The following SULT2B1 variants were observed in gnomAD, a reference collection of about 807,000 sequenced individuals.
The protein encoded by SULT2B1 is sulfotransferase family 2B member 1.
In SULT2B1, 16 loss-of-function variants were observed where a neutral mutation model predicts 33.2. The ratio of observed to expected loss-of-function variants is 0.48; its 90% CI spans 0.33 to 0.73. SULT2B1 has a LOEUF of 0.73. SULT2B1 is among the 30% of genes least tolerant of loss of function. The probability of loss-of-function intolerance (pLI) is 0.02; values close to 1 mark genes in which losing one functional copy is unlikely to be tolerated. For synonymous variants in SULT2B1, 186 were observed against 200.5 expected, an observed-to-expected ratio of 0.93 and a Z score of 0.61; for missense variants, 500 against 506.0, an observed-to-expected ratio of 0.99 and a Z score of 0.11.
rs541331659 is a variant in SULT2B1, at chr19:48,589,356, C to G, written c.423+1919C>G. Among the ~76,000 whole-genome samples the G allele has an allele frequency of 2.6e-5, 4 of 152,178 alleles. No homozygotes were observed. In the South Asian group the frequency reaches 8.3e-4, roughly 32 times the overall value. On this transcript the variant is annotated intron_variant, in intron 3 of 6. Coordinates refer to ENST00000201586, the MANE Select transcript of SULT2B1 (RefSeq NM_177973.2). Reference sequence around the variant, plus strand: ...GCGGGGGAGGAAGACACGGGCTCTGCGGCGGCCCATCCCACGTCCAGCAGA... The same window carrying G: ...GCGGGGGAGGAAGACACGGGCTCTGGGGCGGCCCATCCCACGTCCAGCAGA...
chr19:48,592,548 G>C (rs59705399), intron 4 of SULT2B1, among the ~76,000 whole-genome samples, 174 bp from the exon 5 acceptor site: 12,534 of 152,208 alleles, frequency 0.082, 546 homozygotes, highest in African/African-American at 0.1. Context: ...GGGAGAAGCA[G>C]GTTGGAAGAG....
Position 48,599,411 on chromosome 19 carries a change from C to G in SULT2B1, c.*5C>G. ...CCGCACCCACGACCCTCATAATAAACACGTCGATTCTGTCCAGGTTCCTTG... is the reference window on the plus strand; with the variant it reads ...CCGCACCCACGACCCTCATAATAAAGACGTCGATTCTGTCCAGGTTCCTTG... On this transcript the variant is annotated 3_prime_UTR_variant, in exon 7 of 7. Transcript: ENST00000201586. This position sits in a 1 kb window ranked among gnomAD's most constrained non-coding sequence, Gnocchi z 4.1. The G allele has an allele frequency of 1.9e-6, 3 of 1,550,228 alleles. No individual in the cohort carries two copies. Among genetic ancestry groups the G allele is most frequent in the Non-Finnish European group, 2.6e-6 (3 of 1,147,036 alleles).
At position 48,596,891 on chromosome 19, in the gene SULT2B1, C is replaced by A. The variant is rs746709836; in HGVS notation, c.798C>A (p.Asp266Glu). ...NYTLLPPSLL[D>E]HRRGAFLRKG... ...CGCTGCTGCCTCCCAGCCTGCTGGACCACCGTCGCGGGGCCTTCCTCCGGA... is the reference window on the plus strand; with the variant it reads ...CGCTGCTGCCTCCCAGCCTGCTGGAACACCGTCGCGGGGCCTTCCTCCGGA... The change falls in exon 6 of 7, where the codon GAC becomes GAA. Residue 266 changes from aspartate (D) to glutamate (E), a missense_variant. Transcript: ENST00000201586. 3 of 1,603,122 alleles carry A rather than the reference C, an allele frequency of 1.9e-6. No individual in the cohort carries two copies. Among genetic ancestry groups the A allele is most frequent in the Non-Finnish European group, 2.5e-6 (3 of 1,178,476 alleles).
intron 2 of SULT2B1, among the ~76,000 whole-genome samples, chr19:48,579,608 T>TCTTTC (rs1555733742): frequency 1.5e-4 from 16 of 107,886 alleles, no homozygotes; most frequent in South Asian, 9.7e-4. Context: ...TTTCTTTCTT[T>TCTTTC]TTTTTTTTTT....
chr19:48,568,863 C>T lies in SULT2B1; in HGVS notation c.72-7078C>T, dbSNP rs1973279506. On this transcript the variant is annotated intron_variant, in intron 1 of 6. Transcript: ENST00000201586. ...CCCAGCTCCAGTCCCACTCAGGCCC[C>T]AGAATCCCAGCAGCCCACCACTCAC... is the stretch of plus-strand genomic sequence containing the variant. 2.0e-5 allele frequency among the ~76,000 whole-genome samples: 3 copies of T among 149,530 alleles called. No homozygotes were observed. In the Admixed American group the frequency reaches 2.0e-4, roughly 10 times the overall value.
In SULT2B1 at chr19:48,570,853, G is replaced by C. The variant is rs564176105; in HGVS notation, c.72-5088G>C. The stretch of plus-strand genomic sequence containing the variant: ...TTCTCCTGCCTGAGCCTCCCGAGTA[G>C]CTGGGACTACAGGCGCCCGCCACCA... On this transcript the variant is annotated intron_variant, in intron 1 of 6. Transcript: ENST00000201586. 2.6e-5 allele frequency among the ~76,000 whole-genome samples: 4 copies of C among 151,584 alleles called. No homozygotes were observed. In the East Asian group the frequency reaches 5.9e-4, roughly 22 times the overall value.
chr19:48,598,321 G>A (rs1014747828), intron 6 of SULT2B1, among the ~76,000 whole-genome samples: 9 of 152,162 alleles, frequency 5.9e-5, no homozygotes, highest in African/African-American at 2.2e-4. Flanking sequence ...GAGGGGTGCC[G>A]TGGCTCACAC....
At chr19:48,592,169 G>A (rs1973651891) in intron 4 of SULT2B1, among the ~76,000 whole-genome samples, 1 of 152,144 alleles carries the variant, frequency 6.6e-6, no homozygotes, top group Non-Finnish European at 1.5e-5. Flanking sequence ...GGCGGTGCCT[G>A]TAGTCCCAGC....
At chr19:48,597,063 ACGC>A in intron 6 of SULT2B1, 144 bp downstream of exon 6, 1 of 989,078 alleles carries the variant, frequency 1.0e-6, no homozygotes, top group Non-Finnish European at 1.5e-6. Flanking sequence ...AGGGTTGATC[ACGC>A]ACGGGGCTTA....
intron 1 of SULT2B1, among the ~76,000 whole-genome samples, chr19:48,555,254 G>A (rs1230087697): frequency 6.6e-6 from 1 of 151,998 alleles, no homozygotes; most frequent in Non-Finnish European, 1.5e-5. Context: ...ACCATGCCTG[G>A]CTAATTTTTA....
At chr19:48,589,847 C>T (rs984873642) in intron 3 of SULT2B1, among the ~76,000 whole-genome samples, 3 of 152,210 alleles carry the variant, frequency 2.0e-5, no homozygotes, top group Non-Finnish European at 4.4e-5. Flanking sequence ...GTAGTCCCAG[C>T]TACTTGGGAG....
At chr19:48,563,240 T>A (rs2147600601) in intron 1 of SULT2B1, among the ~76,000 whole-genome samples, 1 of 152,206 alleles carries the variant, frequency 6.6e-6, no homozygotes, top group East Asian at 1.9e-4. Context: ...TAAAACCTAC[T>A]TTACAGCTAC....
At chr19:48,554,618 C>A (rs577488969) in intron 1 of SULT2B1, among the ~76,000 whole-genome samples, 7 of 143,374 alleles carry the variant, frequency 4.9e-5, no homozygotes, top group African/African-American at 1.6e-4. Flanking sequence ...ACCCCGCCCC[C>A]CCAGCCTCCT....
chr19:48,593,363 C>T (rs1468158605), intron 5 of SULT2B1, among the ~76,000 whole-genome samples: 3 of 151,960 alleles, frequency 2.0e-5, no homozygotes, highest in African/African-American at 7.2e-5. Flanking sequence ...ACCAGCCTGG[C>T]CAACATGGTG....
Position 48,597,652 on chromosome 19 carries a change from TTC to T in SULT2B1, c.826+735_826+736del, listed in dbSNP as rs969594668. On this transcript the variant is annotated intron_variant, in intron 6 of 6. Transcript: ENST00000201586. ...GCCACCGCGCCCGGCCTTTTCTTTT[TTC>T]TTTTTTGAGACGGAGTTTCACTCTT... Among the ~76,000 whole-genome samples the T allele has an allele frequency of 9.8e-5, 6 of 61,334 alleles. 1 individual carries two copies. Among genetic ancestry groups the T allele is most frequent in the Non-Finnish European group, 1.9e-4 (6 of 31,066 alleles). The allele number at this position is 61,334 out of a possible 152,430, so 40.2% of individuals were successfully genotyped here. A position where few individuals can be genotyped will look rare whatever the true frequency, so the allele number is the denominator to read the frequency against.
At chr19:48,569,667 A>C (rs1438377735) in intron 1 of SULT2B1, among the ~76,000 whole-genome samples, 1 of 150,076 alleles carries the variant, frequency 6.7e-6, no homozygotes, top group Admixed American at 6.7e-5. Context: ...CCTGGCCTCA[A>C]GATTGGTTTT....
intron 6 of SULT2B1, among the ~76,000 whole-genome samples, chr19:48,598,589 GA>G (rs540933199): frequency 1.3e-5 from 2 of 151,454 alleles, no homozygotes; most frequent in Non-Finnish European, 2.9e-5. Context: ...ATCTCAAAAA[GA>G]AAAAAAATGG....
chr19:48,559,452 C>A (rs992077614), intron 1 of SULT2B1, among the ~76,000 whole-genome samples: 3 of 152,112 alleles, frequency 2.0e-5, no homozygotes, highest in African/African-American at 7.2e-5. Flanking sequence ...CTCACTGCAA[C>A]CTCCGCCTCC....
At chr19:48,554,077 G>A (rs1465533701) in intron 1 of SULT2B1, among the ~76,000 whole-genome samples, 9 of 151,994 alleles carry the variant, frequency 5.9e-5, no homozygotes, top group Non-Finnish European at 1.2e-4. Flanking sequence ...GCGAAGCTCG[G>A]TTTCGTCATC....
Sources: allele counts gnomAD v4.1 joint callset (sites outside exome capture counted in the v4.1 genomes callset), GRCh38; gene constraint gnomAD v4.1.1; non-coding constraint Gnocchi (gnomAD v3.1); transcripts MANE v1.5; gene names NCBI Gene and HGNC (gene_info 2026-07-23, HGNC 2026-07-21).